CRACR2A: variants seen among roughly 807,000 people sequenced by gnomAD.
The protein encoded by CRACR2A is EF-hand calcium-binding domain-containing protein 4B.
CRACR2A carries 79 observed loss-of-function variants against 90.5 expected under a neutral mutation model. That is an observed-to-expected ratio of 0.87 (90% CI 0.73 to 1.05). The LOEUF is 1.05. Ranked by LOEUF, CRACR2A falls within the 50% of genes least tolerant of loss-of-function variation. The pLI is 0.00. For missense variants in CRACR2A, 823 were observed against 897.2 expected (o/e 0.92, Z 1.06); for synonymous variants, 338 against 356.7 (o/e 0.95, Z 0.59).
intron 3 of CRACR2A, among the ~76,000 whole-genome samples, chr12:3,700,490 T>G (rs1945819507): frequency 6.6e-6 from 1 of 152,086 alleles, no homozygotes; most frequent in Admixed American, 6.6e-5. Context: ...GCTTTACACA[T>G]AAAGACACAA....
intron 10 of CRACR2A, among the ~76,000 whole-genome samples, chr12:3,653,019 G>C (rs1014204415): frequency 8.6e-5 from 13 of 151,770 alleles, no homozygotes; most frequent in African/African-American, 3.1e-4. Flanking sequence ...GTCTCACTCT[G>C]TCACCCAAGC....
At position 3,617,173 on chromosome 12, in the gene CRACR2A, C is replaced by A. The variant is rs143507178; in HGVS notation, c.2035-143G>T. The A allele has an allele frequency of 9.0e-5, 59 of 656,694 alleles. 1 individual carries two copies. Among genetic ancestry groups the A allele is most frequent in the African/African-American group, 8.9e-4 (50 of 55,916 alleles). The allele number at this position is 656,694 out of a possible 1,614,324, so 40.7% of individuals were successfully genotyped here. On this transcript the variant is annotated intron_variant, in intron 18 of 19. Coordinates refer to ENST00000440314, the MANE Select transcript of CRACR2A (RefSeq NM_001144958.2). ...TGACCTTCCTCATAATCCTTCCCCACTCTGTACATGGCTGATTTCTGTCTC... is the reference window on the plus strand; with the variant it reads ...TGACCTTCCTCATAATCCTTCCCCAATCTGTACATGGCTGATTTCTGTCTC...
At chr12:3,658,089 T>C (rs1944950994) in intron 8 of CRACR2A, among the ~76,000 whole-genome samples, 1 of 152,172 alleles carries the variant, frequency 6.6e-6, no homozygotes, top group African/African-American at 2.4e-5. Context: ...ATCTAAGCAC[T>C]GAGCTTTAAA....
At chr12:3,750,805 AC>A (rs1387127757) in intron 1 of CRACR2A, among the ~76,000 whole-genome samples, 1 of 152,058 alleles carries the variant, frequency 6.6e-6, no homozygotes, top group Non-Finnish European at 1.5e-5. Context: ...CCTCCCCACA[AC>A]AGGTTCAGCA....
At chr12:3,645,282 G>A (rs1000294996) in intron 11 of CRACR2A, among the ~76,000 whole-genome samples, 1 of 152,198 alleles carries the variant, frequency 6.6e-6, no homozygotes, top group Non-Finnish European at 1.5e-5. Flanking sequence ...TTGAAGGAGC[G>A]GGAGAAGCAT....
At chr12:3,712,220 G>A (rs149149361) in intron 3 of CRACR2A, among the ~76,000 whole-genome samples, 65 of 123,262 alleles carry the variant, frequency 5.3e-4, no homozygotes, top group African/African-American at 2.1e-3. Flanking sequence ...TGGGAAGTTG[G>A]CCATTTTTTT....
At chr12:3,744,096 C>T (rs1391656553) in intron 1 of CRACR2A, among the ~76,000 whole-genome samples, 1 of 152,194 alleles carries the variant, frequency 6.6e-6, no homozygotes. Flanking sequence ...TGACCAAGAA[C>T]AGGAGCTGAG....
At chr12:3,656,170 C>T (rs955282663) in intron 9 of CRACR2A, 141 bp downstream of exon 9, 7 of 710,996 alleles carry the variant, frequency 9.8e-6, no homozygotes, top group South Asian at 1.8e-5. Flanking sequence ...ATTTTAAATG[C>T]TATCTTTTGC....
intron 11 of CRACR2A, among the ~76,000 whole-genome samples, chr12:3,647,081 C>T (rs1271222717): frequency 3.3e-5 from 5 of 152,174 alleles, no homozygotes; most frequent in African/African-American, 9.7e-5. Context: ...AAATTGCTTG[C>T]GTTTGTACCC....
Position 3,633,575 on chromosome 12 carries a change from T to C in CRACR2A, c.1735+29A>G. ...CAAACTCCCTTCCCAAAGATGGGCC[T>C]AGGACCCACCTCAGGGATGAGAACT... On this transcript the variant is annotated intron_variant, in intron 15 of 19. Transcript: ENST00000440314. The surrounding 1 kb of genome is among the most constrained non-coding windows in gnomAD (Gnocchi z 4.5). 2 of 1,551,430 alleles carry C rather than the reference T, an allele frequency of 1.3e-6. No homozygotes were observed. Among genetic ancestry groups the C allele is most frequent in the Non-Finnish European group, 1.7e-6 (2 of 1,146,890 alleles).
intron 1 of CRACR2A, among the ~76,000 whole-genome samples, chr12:3,739,277 A>G (rs910122867): frequency 6.6e-6 from 1 of 152,220 alleles, no homozygotes; most frequent in Non-Finnish European, 1.5e-5. Context: ...AGAAACTTCA[A>G]TCAAATTACT....
At chr12:3,647,868 G>A in intron 11 of CRACR2A, 1 of 985,330 alleles carries the variant, frequency 1.0e-6, no homozygotes, top group South Asian at 4.7e-5. Context: ...GAAACTTCAT[G>A]GGCAACATCA....
At position 3,642,879 on chromosome 12, in the gene CRACR2A, T is replaced by A. The variant is rs146548498; in HGVS notation, c.1165-1041A>T. On this transcript the variant is annotated intron_variant, in intron 12 of 19. Transcript: ENST00000440314. ...TAATTAGCCATCCCATGATTCCCAG[T>A]GATCCTTAATGAGAGGAGGGGCTGC... Among the ~76,000 whole-genome samples the A allele has an allele frequency of 6.2e-4, 94 of 152,288 alleles. 2 individuals carry two copies. Among genetic ancestry groups the A allele is most frequent in the African/African-American group, 2.2e-3 (91 of 41,548 alleles).
Position 3,641,798 on chromosome 12 carries a change from G to T in CRACR2A, c.1205C>A (p.Ala402Glu). ...AAKANTAASR[A>E]SWKKRSGSVI... The stretch of plus-strand genomic sequence containing the variant: ...AGAGCCAGATCTCTTTTTCCAACTT[G>T]CCCTGGAAGCAGCTGTGTTTGCCTT... Residue 402 changes from alanine (A) to glutamate (E), a missense_variant, in exon 13 of 20, where the codon GCA becomes GAA. Coordinates refer to ENST00000440314, the MANE Select transcript of CRACR2A (RefSeq NM_001144958.2). 1 of 1,551,624 alleles carries T rather than the reference G, an allele frequency of 6.4e-7. No homozygotes were observed. Among genetic ancestry groups the T allele is most frequent in the Non-Finnish European group, 8.7e-7 (1 of 1,146,956 alleles).
At chr12:3,644,714 A>G in intron 11 of CRACR2A, 74 bp from the exon 12 acceptor site, 2 of 1,375,262 alleles carry the variant, frequency 1.5e-6, no homozygotes, top group Non-Finnish European at 2.0e-6. Context: ...CCAATTTGCT[A>G]TTCAGATGGG....
intron 2 of CRACR2A, among the ~76,000 whole-genome samples, chr12:3,722,265 T>C (rs1300095269): frequency 6.6e-6 from 1 of 152,230 alleles, no homozygotes; most frequent in Non-Finnish European, 1.5e-5. Flanking sequence ...TTCCAGGACC[T>C]GACATATTTT....
chr12:3,641,765 C>T lies in CRACR2A; in HGVS notation c.1238G>A (p.Gly413Asp). The T allele has an allele frequency of 6.4e-7, 1 of 1,551,694 alleles. No homozygotes were observed. Among genetic ancestry groups the T allele is most frequent in the East Asian group, 2.4e-5 (1 of 40,918 alleles). The change falls in exon 13 of 20, where the codon GGC (glycine) becomes GAC (aspartate). Residue 413 changes from glycine to aspartate, a missense_variant. By Grantham distance (94) the Gly-to-Asp change is moderately conservative (BLOSUM62 -1). Transcript: ENST00000440314. ...AATCCCTCTGCTGTCCACATATTTG[C>T]CTATCACAGAGCCAGATCTCTTTTT... ...SWKKRSGSVI[G>D]KYVDSRGILR...
At chr12:3,648,707 G>A in intron 10 of CRACR2A, 94 bp from the exon 11 acceptor site, 1 of 1,501,410 alleles carries the variant, frequency 6.7e-7, no homozygotes, top group Non-Finnish European at 9.0e-7. Context: ...ATGCCGTGCT[G>A]GGGATGGAGG....
intron 3 of CRACR2A, among the ~76,000 whole-genome samples, chr12:3,713,008 T>G (rs1020277388): frequency 1.3e-5 from 2 of 151,806 alleles, no homozygotes; most frequent in Non-Finnish European, 2.9e-5. Context: ...TAAATGAACT[T>G]AAGTGATACT....
Sources: allele counts gnomAD v4.1 joint callset (sites outside exome capture counted in the v4.1 genomes callset), GRCh38; gene constraint gnomAD v4.1.1; non-coding constraint Gnocchi (gnomAD v3.1); transcripts MANE v1.5; gene names NCBI Gene and HGNC (gene_info 2026-07-23, HGNC 2026-07-21).